The following ASXL3 variants were observed in gnomAD, a reference collection of about 807,000 sequenced individuals.
The protein encoded by ASXL3 is putative Polycomb group protein ASXL3.
A neutral mutation model predicts 170.6 loss-of-function variants in ASXL3; 34 were observed. The observed-to-expected ratio is 0.20, with a 90% CI of 0.15 to 0.27. The LOEUF is 0.27. Among genes scored for constraint, ASXL3 ranks in the 10% least tolerant of loss-of-function variants. ASXL3 has a pLI of 1.00. For synonymous variants in ASXL3, 1,002 were observed against 989.1 expected (o/e 1.01, Z -0.24); for missense variants, 2,592 against 2,695.3 (o/e 0.96, Z 0.85).
chr18:33,721,938 TTATAA>T (rs1370805326), intron 8 of ASXL3, among the ~76,000 whole-genome samples: 1 of 152,014 alleles, frequency 6.6e-6, no homozygotes, highest in African/African-American at 2.4e-5. Flanking sequence ...AGCATTTTTA[TTATAA>T]TATATTTCAT....
At position 33,683,575 on chromosome 18, in the gene ASXL3, A is replaced by G. The variant is rs1339970100; in HGVS notation, c.879+7A>G. ...CCCAGAAGTGGATAGGCAGGTAAGT[A>G]GAAGTTTTAGACATTTGATACCAGC... is the stretch of plus-strand genomic sequence containing the variant. On this transcript the variant is annotated splice_region_variant and intron_variant, in intron 8 of 11. Coordinates refer to ENST00000269197, the MANE Select transcript of ASXL3 (RefSeq NM_030632.3). 4 of 1,606,990 alleles carry G rather than the reference A, an allele frequency of 2.5e-6. No individual in the cohort carries two copies. The highest frequency in any genetic ancestry group is 1.1e-5 in the South Asian group (1 of 89,990).
intron 2 of ASXL3, among the ~76,000 whole-genome samples, chr18:33,616,198 A>G (rs536811849): frequency 1.3e-5 from 2 of 152,298 alleles, no homozygotes; most frequent in Admixed American, 6.5e-5. Flanking sequence ...AATGTTACCC[A>G]GCAAGATCAG....
chr18:33,624,565 C>T (rs761539758), intron 2 of ASXL3, among the ~76,000 whole-genome samples: 110 of 152,210 alleles, frequency 7.2e-4, no homozygotes, highest in Non-Finnish European at 1.9e-4. Flanking sequence ...ACCGTCCATA[C>T]TCATAAGTGT....
intron 1 of ASXL3, chr18:33,605,376 A>G (rs554347517): frequency 5.1e-4 from 77 of 152,148 alleles, no homozygotes; most frequent in African/African-American, 1.8e-3. Context: ...ACACAGCTCA[A>G]TCAATAAAGC....
At chr18:33,690,378 A>G (rs2066668723) in intron 8 of ASXL3, 1 of 152,092 alleles carries the variant, frequency 6.6e-6, no homozygotes, top group African/African-American at 2.4e-5. Flanking sequence ...ATCTCAGAAA[A>G]CTACACTTAT....
intron 8 of ASXL3, among the ~76,000 whole-genome samples, chr18:33,700,428 T>TC (rs1295966332): frequency 6.6e-6 from 1 of 151,516 alleles, no homozygotes; most frequent in African/African-American, 2.4e-5. Context: ...TCTAGGGCAT[T>TC]CCTGCCTGAT....
rs749792597 is a variant in ASXL3, at chr18:33,578,625, T to G, written c.-7T>G. 1.5e-6 allele frequency: 2 copies of G among 1,342,618 alleles called. No homozygotes were observed. The highest frequency in any genetic ancestry group is 2.0e-6 in the Non-Finnish European group (2 of 1,020,366). The allele number at this position is 1,342,618 out of a possible 1,614,324, so 83.2% of individuals were successfully genotyped here. A position where few individuals can be genotyped will look rare whatever the true frequency, so the allele number is the denominator to read the frequency against. ...GTCATCATCAGAACCATCAATGAGA[T>G]GCAAACATGAAAGACAAGAGGAAGA... On this transcript the variant is annotated 5_prime_UTR_variant, in exon 1 of 12. The change abolishes an upstream ATG in the 5' untranslated region. Coordinates refer to ENST00000269197, the MANE Select transcript of ASXL3 (RefSeq NM_030632.3).
intron 7 of ASXL3, among the ~76,000 whole-genome samples, chr18:33,677,041 G>A (rs2066441452): frequency 6.6e-6 from 1 of 152,128 alleles, no homozygotes; most frequent in South Asian, 2.1e-4. Flanking sequence ...TTCCTACCCA[G>A]TCACATAGTA....
At chr18:33,646,502 T>C in intron 4 of ASXL3, 149 bp downstream of exon 4, 1 of 572,022 alleles carries the variant, frequency 1.7e-6, no homozygotes, top group South Asian at 2.8e-5. Flanking sequence ...GGTGTTTTGA[T>C]TCAAAAAGGA....
chr18:33,693,311 T>G (rs2066716292), intron 8 of ASXL3, among the ~76,000 whole-genome samples: 1 of 152,106 alleles, frequency 6.6e-6, no homozygotes, highest in South Asian at 2.1e-4. Flanking sequence ...GGCAGTTAAT[T>G]GGAGAAATTT....
At chr18:33,721,629 C>T (rs911064023) in intron 8 of ASXL3, among the ~76,000 whole-genome samples, 1 of 152,050 alleles carries the variant, frequency 6.6e-6, no homozygotes, top group East Asian at 1.9e-4. Context: ...TTCCACATTT[C>T]CATCTAAGTG....
At position 33,670,778 on chromosome 18, in the gene ASXL3, G is replaced by A. The variant is rs1458407413; in HGVS notation, c.583G>A (p.Asp195Asn). Residue 195 changes from aspartate (D) to asparagine (N), a missense_variant, in exon 6 of 12, where the codon GAT becomes AAT. By Grantham distance (23) the Asp-to-Asn change is conservative (BLOSUM62 1). Around this residue, in one of 4 missense-constraint regions of ASXL3, gnomAD observed 251 missense variants for 281.9 expected, o/e 0.89. Transcript: ENST00000269197. ...TPLKVSDEQSDSPSGSESKNG... is the reference protein window; with the variant it reads ...TPLKVSDEQSNSPSGSESKNG... ...ATTAAAGGTGTCTGATGAGCAGTCG[G>A]ATTCGCCTTCAGGTAAAGAGCTGAA... 6.5e-7 allele frequency: 1 copy of A among 1,544,954 alleles called. No individual in the cohort carries two copies. Among genetic ancestry groups the A allele is most frequent in the Non-Finnish European group, 8.7e-7 (1 of 1,143,794 alleles).
Position 33,713,234 on chromosome 18 carries a change from T to TTTTTG in ASXL3, c.880-18731_880-18730insTGTTT, listed in dbSNP as rs1205768477. On this transcript the variant is annotated intron_variant, in intron 8 of 11. Coordinates refer to ENST00000269197, the MANE Select transcript of ASXL3 (RefSeq NM_030632.3). ...TAGCAATCTACCACAAGAAGGTTTTTTTTGTTTTGTTTTGTTTTTTTTTTT... is the reference window on the plus strand; with the variant it reads ...TAGCAATCTACCACAAGAAGGTTTTTTTTTGTTTGTTTTGTTTTGTTTTTTTTTTT... 5.0e-4 allele frequency among the ~76,000 whole-genome samples: 34 copies of TTTTTG among 68,406 alleles called. 1 individual carries two copies. Among genetic ancestry groups the TTTTTG allele is most frequent in the Admixed American group, 9.1e-4 (6 of 6,596 alleles). The allele number at this position is 68,406 out of a possible 152,430, so 44.9% of individuals were successfully genotyped here.
At chr18:33,676,020 C>A (rs183955289) in intron 7 of ASXL3, among the ~76,000 whole-genome samples, 1 of 151,566 alleles carries the variant, frequency 6.6e-6, no homozygotes, top group Non-Finnish European at 1.5e-5. Context: ...GTCAGGAGAT[C>A]GAGACCATCC....
At chr18:33,703,835 T>C (rs564651033) in intron 8 of ASXL3, among the ~76,000 whole-genome samples, 4 of 152,276 alleles carry the variant, frequency 2.6e-5, no homozygotes, top group South Asian at 2.1e-4. Context: ...TCATTTGTTA[T>C]ATGCTCTTAG....
intron 8 of ASXL3, among the ~76,000 whole-genome samples, chr18:33,699,083 G>A (rs1030393570): frequency 6.6e-6 from 1 of 152,078 alleles, no homozygotes; most frequent in Non-Finnish European, 1.5e-5. Context: ...ACAAAATATA[G>A]TCTAAGATAT....
intron 9 of ASXL3, among the ~76,000 whole-genome samples, chr18:33,732,400 C>G (rs1001479222): frequency 7.2e-5 from 11 of 152,202 alleles, no homozygotes; most frequent in African/African-American, 2.4e-4. Context: ...TTTTAACGCT[C>G]TCTTCCGCGG....
intron 7 of ASXL3, among the ~76,000 whole-genome samples, chr18:33,678,619 G>A (rs540544265): frequency 2.0e-5 from 3 of 152,300 alleles, no homozygotes; most frequent in African/African-American, 4.8e-5. Flanking sequence ...CTGTGGCAAC[G>A]TAGCAATTGT....
chr18:33,624,562 A>G (rs536172938), intron 2 of ASXL3, among the ~76,000 whole-genome samples: 32 of 152,204 alleles, frequency 2.1e-4, no homozygotes, highest in African/African-American at 7.0e-4. Flanking sequence ...CCCACCGTCC[A>G]TACTCATAAG....
Sources: allele counts gnomAD v4.1 joint callset (sites outside exome capture counted in the v4.1 genomes callset), GRCh38; gene constraint gnomAD v4.1.1; regional missense constraint gnomAD v4.1.1; transcripts MANE v1.5; gene names NCBI Gene and HGNC (gene_info 2026-07-23, HGNC 2026-07-21).